The following FRMPD4 variants were observed in gnomAD, a reference collection of about 807,000 sequenced individuals.
FRMPD4 encodes the protein FERM and PDZ domain-containing protein 4.
FRMPD4 carries 22 observed loss-of-function variants against 94.1 expected under a neutral mutation model. The ratio of observed to expected loss-of-function variants is 0.23; its 90% confidence interval spans 0.17 to 0.33. The LOEUF (loss-of-function observed/expected upper bound fraction) is 0.33, where lower values mean the gene tolerates loss of function less well. Among genes scored for constraint, FRMPD4 ranks in the 10% least tolerant of loss-of-function variants. The pLI is 1.00. For synonymous variants in FRMPD4, 631 were observed against 548.6 expected, an observed-to-expected ratio of 1.15 and a Z score of -2.10; for missense variants, 1,111 against 1,339.9, an observed-to-expected ratio of 0.83 and a Z score of 2.67.
At chrX:12,058,467 G>A (rs188102804) in intron 3 of FRMPD4, among the ~76,000 whole-genome samples, 5 of 110,577 alleles carry the variant, frequency 4.5e-5, no homozygotes, top group East Asian at 5.7e-4. Flanking sequence ...CGGTTTCTGG[G>A]CCCCAACAAG....
intron 1 of FRMPD4, among the ~76,000 whole-genome samples, chrX:12,468,352 C>CA (rs1474716026): frequency 8.9e-6 from 1 of 111,737 alleles, no homozygotes; most frequent in Non-Finnish European, 1.9e-5. Context: ...GAAGAGAACA[C>CA]AAAAGAGATA....
Position 12,679,347 on chromosome X carries a change from C to G in FRMPD4, c.469-4136C>G, listed in dbSNP as rs1249438768. 1.3e-4 allele frequency among the ~76,000 whole-genome samples: 15 copies of G among 111,442 alleles called. No individual in the cohort carries two copies. The Admixed American group carries it at 1.4e-3, about 11-fold the overall frequency. On this transcript the variant is annotated intron_variant, in intron 5 of 16. Transcript: ENST00000675598. ...CACAGGTCCTAGAGAAACTGCATGC[C>G]AAGAGGAGGGGTCATATGAGAGGGA...
At chrX:12,340,786 G>A (rs1169484373) in intron 1 of FRMPD4, among the ~76,000 whole-genome samples, 2 of 111,640 alleles carry the variant, frequency 1.8e-5, no homozygotes, top group African/African-American at 6.5e-5. Flanking sequence ...ACCTTTGTTA[G>A]TTGCTCCACG....
intron 1 of FRMPD4, among the ~76,000 whole-genome samples, chrX:12,240,611 C>T (rs1340355669): frequency 2.7e-5 from 3 of 112,247 alleles, no homozygotes; most frequent in African/African-American, 6.5e-5. Context: ...ACTTTATTTC[C>T]TTAATGTGCA....
rs746601138 is a variant in FRMPD4, at chrX:12,706,923, C to CTTT, written c.1287+24_1287+26dup. 4.9e-4 allele frequency: 301 copies of CTTT among 608,376 alleles called. No individual in the cohort carries two copies. The highest frequency in any genetic ancestry group is 7.2e-4 in the Admixed American group (19 of 26,475). The allele number at this position is 608,376 out of a possible 1,213,427, so 50.1% of individuals were successfully genotyped here. On this transcript the variant is annotated intron_variant, in intron 12 of 16. Coordinates refer to ENST00000675598, the MANE Select transcript of FRMPD4 (RefSeq NM_001368397.1). ...TTCAAGGCAACATTAGTGGTAATTT[C>CTTT]TTTTTTTTTTTTTTTTTTGCTTTCT...
chrX:12,154,658 G>A (rs750175857), intron 1 of FRMPD4, among the ~76,000 whole-genome samples: 24 of 112,757 alleles, frequency 2.1e-4, no homozygotes, highest in Non-Finnish European at 3.8e-4. Flanking sequence ...TATGTTTTAC[G>A]TGAAAAATGT....
chrX:12,196,962 A>G (rs2147708805), intron 1 of FRMPD4, among the ~76,000 whole-genome samples: 1 of 111,635 alleles, frequency 9.0e-6, no homozygotes, highest in South Asian at 3.7e-4. Flanking sequence ...AACCTTTTAC[A>G]TATGTGTAGG....
At chrX:12,139,069 G>A (rs1322322208) in intron 1 of FRMPD4, 57 bp downstream of exon 1, 10 of 997,514 alleles carry the variant, frequency 1.0e-5, no homozygotes, top group East Asian at 3.6e-5. Flanking sequence ...GCAACTTGGT[G>A]CCTTATTTTT....
chrX:12,686,356 TCAAAC>T, intron 7 of FRMPD4, 152 bp downstream of exon 7: 1 of 356,311 alleles, frequency 2.8e-6, no homozygotes, highest in Non-Finnish European at 4.9e-6. Context: ...TGTGAATACT[TCAAAC>T]CAAACCAAAG....
intron 1 of FRMPD4, among the ~76,000 whole-genome samples, chrX:12,342,447 AG>A (rs1382471347): frequency 8.9e-6 from 1 of 111,852 alleles, no homozygotes; most frequent in Non-Finnish European, 1.9e-5. Flanking sequence ...TATCAGTGAA[AG>A]AGCAGGAAAT....
At chrX:12,581,467 A>T (rs763096567) in intron 2 of FRMPD4, among the ~76,000 whole-genome samples, 72 of 112,344 alleles carry the variant, frequency 6.4e-4, no homozygotes, top group African/African-American at 1.8e-3. Flanking sequence ...AAAAGTAAGT[A>T]TAACATGATT....
intron 1 of FRMPD4, among the ~76,000 whole-genome samples, chrX:12,244,583 G>A (rs1449902252): frequency 8.9e-6 from 1 of 111,989 alleles, no homozygotes; most frequent in Non-Finnish European, 1.9e-5. Context: ...AGGGAGTGAG[G>A]TATGAGTGGT....
intron 1 of FRMPD4, among the ~76,000 whole-genome samples, chrX:12,165,867 A>G (rs1433639625): frequency 1.8e-5 from 2 of 111,125 alleles, no homozygotes; most frequent in Non-Finnish European, 3.8e-5. Flanking sequence ...TTATTGGTGT[A>G]TAAGAATGCT....
intron 2 of FRMPD4, among the ~76,000 whole-genome samples, chrX:12,590,874 C>T (rs1329808303): frequency 8.9e-6 from 1 of 111,903 alleles, no homozygotes; most frequent in African/African-American, 3.2e-5. Flanking sequence ...CAACATGAAG[C>T]ATTTGTGCTA....
chrX:12,480,963 C>A (rs2057673782), intron 1 of FRMPD4, among the ~76,000 whole-genome samples: 1 of 111,776 alleles, frequency 8.9e-6, no homozygotes. Flanking sequence ...CCAGAAGCAT[C>A]TTGAGATCCA....
At chrX:12,073,034 C>T (rs2054982848) in intron 3 of FRMPD4, among the ~76,000 whole-genome samples, 1 of 111,007 alleles carries the variant, frequency 9.0e-6, no homozygotes, top group Admixed American at 9.6e-5. Context: ...CTTTTTCTTC[C>T]TCATTCAACA....
intron 3 of FRMPD4, among the ~76,000 whole-genome samples, chrX:11,930,107 CAAAAAAAAAAAA>C (rs55973946): frequency 7.5e-5 from 1 of 13,257 alleles, no homozygotes; most frequent in Non-Finnish European, 1.3e-4. Flanking sequence ...GACTCTGTCT[CAAAAAAAAAAAA>C]AAAAAAAAAA....
At chrX:12,226,725 G>T (rs2056927093) in intron 1 of FRMPD4, among the ~76,000 whole-genome samples, 1 of 111,102 alleles carries the variant, frequency 9.0e-6, no homozygotes, top group Admixed American at 9.6e-5. Context: ...TGCCAGACAT[G>T]CAGTGGTTTC....
chrX:12,292,964 A>G (rs1257804814), intron 1 of FRMPD4, among the ~76,000 whole-genome samples: 1 of 107,711 alleles, frequency 9.3e-6, no homozygotes, highest in Non-Finnish European at 1.9e-5. Flanking sequence ...GGAATATAGA[A>G]TATGGATTTT....
Sources: gnomAD v4.1 joint callset for allele counts (sites outside exome capture counted in the v4.1 genomes callset) on GRCh38, gnomAD v4.1.1 for gene constraint, MANE v1.5 for transcripts, NCBI Gene and HGNC (gene_info 2026-07-23, HGNC 2026-07-21) for gene names.